Variants in CNOT4 observed in about 807,000 individuals in gnomAD.
CNOT4 encodes CCR4-associated factor 4.
A neutral mutation model predicts 73.8 loss-of-function variants in CNOT4; 8 were observed. The observed-to-expected ratio is 0.11, with a 90% CI of 0.06 to 0.20. CNOT4 has a LOEUF of 0.20. CNOT4 is among the 10% of genes least tolerant of loss of function. CNOT4 has a pLI of 1.00. For synonymous variants in CNOT4, 293 were observed against 321.1 expected, an observed-to-expected ratio of 0.91 and a Z score of 0.94; for missense variants, 564 against 883.4, an observed-to-expected ratio of 0.64 and a Z score of 4.58.
In CNOT4 at chr7:135,438,274, G is replaced by A; in HGVS notation, c.58C>T (p.Pro20Ser). The A allele has an allele frequency of 6.2e-7, 1 of 1,613,648 alleles. No individual in the cohort carries two copies. The highest frequency in any genetic ancestry group is 8.5e-7 in the Non-Finnish European group (1 of 1,179,624). Reference protein sequence around the residue: ...DPVECPLCMEPLEIDDINFFP... With the variant: ...DPVECPLCMESLEIDDINFFP... The stretch of plus-strand genomic sequence containing the variant: ...AAGTTGATATCATCTATCTCCAAGG[G>A]CTCCATGCAAAGAGGGCACTCCACA... Residue 20 changes from proline to serine, a missense_variant, in exon 2 of 12, where the codon CCC (proline) becomes TCC (serine). Transcript: ENST00000541284.
At chr7:135,430,150 G>A (rs1798730984) in intron 2 of CNOT4, among the ~76,000 whole-genome samples, 1 of 152,096 alleles carries the variant, frequency 6.6e-6, no homozygotes, top group Non-Finnish European at 1.5e-5. Context: ...CAGAAGATGA[G>A]GAAACATTTC....
chr7:135,428,431 A>T (rs1448005462), intron 2 of CNOT4, among the ~76,000 whole-genome samples: 2 of 152,220 alleles, frequency 1.3e-5, no homozygotes, highest in Non-Finnish European at 2.9e-5. Context: ...AGATGTTTTT[A>T]AAAAATAATG....
intron 1 of CNOT4, among the ~76,000 whole-genome samples, chr7:135,466,556 T>C (rs1801235726): frequency 6.6e-6 from 1 of 151,638 alleles, no homozygotes; most frequent in Admixed American, 6.6e-5. Context: ...ATTTTTAATA[T>C]AAATTTAGTG....
Position 135,448,024 on chromosome 7 carries a change from T to A in CNOT4, c.-92-9601A>T, listed in dbSNP as rs868456675. Reference sequence around the variant, plus strand: ...CAGCCCAACACTGCCAGGTGCCATGTGGTCATACACAAGTCTGTGCCCCTA... The same window carrying A: ...CAGCCCAACACTGCCAGGTGCCATGAGGTCATACACAAGTCTGTGCCCCTA... On this transcript the variant is annotated intron_variant, in intron 1 of 11. Coordinates refer to ENST00000541284, the MANE Select transcript of CNOT4 (RefSeq NM_001190850.2). Among the ~76,000 whole-genome samples, 3 of 152,248 alleles carry A rather than the reference T, an allele frequency of 2.0e-5. No homozygotes were observed. The South Asian group carries it at 6.2e-4, about 32-fold the overall frequency.
intron 10 of CNOT4, among the ~76,000 whole-genome samples, chr7:135,392,837 A>T (rs1034821785): frequency 1.3e-5 from 2 of 152,192 alleles, no homozygotes; most frequent in Non-Finnish European, 2.9e-5. Flanking sequence ...ACAGGGATAA[A>T]GAACTTTGAT....
At chr7:135,382,611 C>T (rs1462376151) in intron 10 of CNOT4, among the ~76,000 whole-genome samples, 1 of 150,788 alleles carries the variant, frequency 6.6e-6, no homozygotes, top group East Asian at 1.9e-4. Context: ...CAGTTGACTC[C>T]AGGTACCTGG....
chr7:135,504,462 A>AT (rs34100799), intron 1 of CNOT4, among the ~76,000 whole-genome samples: 718 of 55,922 alleles, frequency 0.013, 75 homozygotes, highest in African/African-American at 0.055. Context: ...CATCCGGCTA[A>AT]TTTTTTTTTT....
intron 6 of CNOT4, 101 bp from the exon 7 acceptor site, chr7:135,410,749 AAAT>A (rs1156735863): frequency 4.4e-6 from 3 of 686,038 alleles, no homozygotes; most frequent in African/African-American, 2.0e-5. Flanking sequence ...TAAATAAAAT[AAAT>A]AATATTTTTA....
At chr7:135,396,608 T>TA (rs1353435430) in intron 8 of CNOT4, among the ~76,000 whole-genome samples, 9 of 152,212 alleles carry the variant, frequency 5.9e-5, no homozygotes, top group African/African-American at 2.2e-4. Flanking sequence ...AAGAAAGATC[T>TA]AATTAAGTTG....
intron 10 of CNOT4, among the ~76,000 whole-genome samples, chr7:135,382,020 T>C (rs1229595976): frequency 6.6e-6 from 1 of 152,174 alleles, no homozygotes; most frequent in Admixed American, 6.5e-5. Flanking sequence ...AAGTCAATAG[T>C]TGCCTTAGGA....
Position 135,462,024 on chromosome 7 carries a change from G to A in CNOT4, c.-92-23601C>T, listed in dbSNP as rs780759358. On this transcript the variant is annotated intron_variant, in intron 1 of 11. Transcript: ENST00000541284. Reference sequence around the variant, plus strand: ...AGATTTATTAAAAGAAAGAATATCCGTCTTAAGAGTATATTCACTTTATAT... The same window carrying A: ...AGATTTATTAAAAGAAAGAATATCCATCTTAAGAGTATATTCACTTTATAT... 3.1e-4 allele frequency among the ~76,000 whole-genome samples: 47 copies of A among 151,288 alleles called. 1 individual carries two copies. The highest frequency in any genetic ancestry group is 4.7e-4 in the Non-Finnish European group (32 of 67,922).
intron 1 of CNOT4, among the ~76,000 whole-genome samples, chr7:135,494,065 C>CAA (rs34917518): frequency 7.2e-4 from 86 of 119,584 alleles, no homozygotes; most frequent in African/African-American, 2.2e-3. Context: ...AAACCTGTAC[C>CAA]AAAAAAAAAA....
chr7:135,459,485 C>A (rs571936723), intron 1 of CNOT4, among the ~76,000 whole-genome samples: 1 of 152,206 alleles, frequency 6.6e-6, no homozygotes, highest in African/African-American at 2.4e-5. Context: ...GACTATTAGG[C>A]AAATGGTTTC....
At chr7:135,489,372 A>T (rs971013296) in intron 1 of CNOT4, among the ~76,000 whole-genome samples, 2 of 141,608 alleles carry the variant, frequency 1.4e-5, no homozygotes, top group Non-Finnish European at 1.5e-5. Context: ...CACAATCTTG[A>T]TTCAGACTAG....
intron 1 of CNOT4, among the ~76,000 whole-genome samples, chr7:135,467,691 A>T (rs1369408591): frequency 1.3e-5 from 2 of 152,194 alleles, no homozygotes; most frequent in African/African-American, 4.8e-5. Context: ...AGCCTGGATG[A>T]CAGAGCAAGA....
In CNOT4 at chr7:135,387,056, G is replaced by C. The variant is rs968600503; in HGVS notation, c.1627+6862C>G. The C allele has an allele frequency of 6.1e-6, 6 of 983,406 alleles. No homozygotes were observed. In the Admixed American group the frequency reaches 1.8e-4, roughly 30 times the overall value. The allele number at this position is 983,406 out of a possible 1,614,324, so 60.9% of individuals were successfully genotyped here. Reference sequence around the variant, plus strand: ...ATAATAACAAGGCCCAGGAGCCTCAGCTCCACAGGAGACATAAGTGAAGTC... The same window carrying C: ...ATAATAACAAGGCCCAGGAGCCTCACCTCCACAGGAGACATAAGTGAAGTC... On this transcript the variant is annotated intron_variant, in intron 10 of 11. Transcript: ENST00000541284.
intron 1 of CNOT4, among the ~76,000 whole-genome samples, chr7:135,474,833 TAC>T (rs1801892406): frequency 6.6e-6 from 1 of 152,304 alleles, no homozygotes; most frequent in South Asian, 2.1e-4. Flanking sequence ...GAAATGCTTA[TAC>T]ACTGCTGATG....
At chr7:135,401,918 T>C (rs1797023301) in intron 7 of CNOT4, among the ~76,000 whole-genome samples, 1 of 152,182 alleles carries the variant, frequency 6.6e-6, no homozygotes. Flanking sequence ...TGGATTCAAG[T>C]GGGACTAAGA....
intron 1 of CNOT4, among the ~76,000 whole-genome samples, chr7:135,453,755 T>C (rs917167490): frequency 6.9e-6 from 1 of 145,512 alleles, no homozygotes; most frequent in African/African-American, 2.5e-5. Context: ...ATTATATATA[T>C]ATAAAATATA....
Sources: allele counts gnomAD v4.1 joint callset (sites outside exome capture counted in the v4.1 genomes callset), GRCh38; gene constraint gnomAD v4.1.1; transcripts MANE v1.5; gene names NCBI Gene and HGNC (gene_info 2026-07-23, HGNC 2026-07-21).